Variants in NUTM2G observed in about 807,000 individuals in gnomAD.
The protein encoded by NUTM2G is NUT family member 2G, also known as family with sequence similarity 22, member G.
NUTM2G carries 29 observed loss-of-function variants against 44.3 expected under a neutral mutation model. That is an observed-to-expected ratio of 0.66 (90% CI 0.49 to 0.89). The LOEUF (loss-of-function observed/expected upper bound fraction) is 0.89, where lower values mean the gene tolerates loss of function less well. Among genes scored for constraint, NUTM2G ranks in the 40% least tolerant of loss-of-function variants. NUTM2G has a pLI of 0.00. For synonymous variants in NUTM2G, 205 were observed against 395.9 expected (o/e 0.52, Z 5.72); for missense variants, 502 against 946.5 (o/e 0.53, Z 6.16).
chr9:96,933,125 C>G (rs1018768894), intron 2 of NUTM2G, among the ~76,000 whole-genome samples: 1 of 151,118 alleles, frequency 6.6e-6, no homozygotes, highest in Admixed American at 6.6e-5. Flanking sequence ...CTACAGGTGC[C>G]CGCCACCATG....
chr9:96,937,219 G>C lies in NUTM2G; in HGVS notation c.1138G>C (p.Val380Leu). Residue 380 changes from valine to leucine, a missense_variant, in exon 5 of 7, where the codon GTG (valine) becomes CTG (leucine). Val to Leu is a conservative substitution (Grantham distance 32). Coordinates refer to ENST00000372322, the MANE Select transcript of NUTM2G (RefSeq NM_001170741.3). Reference protein sequence around the residue: ...KVPEEIPPEVVQEYVDIMEEL... With the variant: ...KVPEEIPPEVLQEYVDIMEEL... ...CCCTGAGGAGATCCCCCCTGAAGTG[G>C]TGCAGGAGTATGTGGACATCATGGA... The C allele has an allele frequency of 1.2e-6, 2 of 1,613,148 alleles. No homozygotes were observed. The highest frequency in any genetic ancestry group is 1.7e-6 in the Non-Finnish European group (2 of 1,179,884).
intron 2 of NUTM2G, 60 bp from the exon 3 acceptor site, chr9:96,935,268 C>T: frequency 1.2e-6 from 2 of 1,609,026 alleles, no homozygotes; most frequent in Non-Finnish European, 1.7e-6. Context: ...GTGTTGGGAC[C>T]AGGTGGGCCC....
rs769107127 is a variant in NUTM2G, at chr9:96,937,200, G to A, written c.1119G>A (p.Glu373=). The A allele has an allele frequency of 2.5e-6, 4 of 1,612,928 alleles. No homozygotes were observed. Among genetic ancestry groups the A allele is most frequent in the Non-Finnish European group, 3.4e-6 (4 of 1,179,880 alleles). Reference sequence around the variant, plus strand: ...GGCCAGCAGAGACCAAGGTCCCTGAGGAGATCCCCCCTGAAGTGGTGCAGG... The same window carrying A: ...GGCCAGCAGAGACCAAGGTCCCTGAAGAGATCCCCCCTGAAGTGGTGCAGG... ...PPRPAETKVP[E]EIPPEVVQEY... The change falls in exon 5 of 7, where the codon GAG becomes GAA. Residue 373 remains glutamate (E), a synonymous_variant. Transcript: ENST00000372322.
chr9:96,936,372 G>T lies in NUTM2G; in HGVS notation c.843-53G>T, dbSNP rs528049970. 2.5e-5 allele frequency: 38 copies of T among 1,545,002 alleles called. No individual in the cohort carries two copies. In the African/African-American group the frequency reaches 3.8e-4, roughly 15 times the overall value. ...TGCCCTCGGCTGCTGCCTGGTCCTGGGGGGAGGGGGCCTGGACCCTCTCAG... is the reference window on the plus strand; with the variant it reads ...TGCCCTCGGCTGCTGCCTGGTCCTGTGGGGAGGGGGCCTGGACCCTCTCAG... On this transcript the variant is annotated intron_variant, in intron 3 of 6. Transcript: ENST00000372322.
At chr9:96,940,721 C>G (rs1391377064), downstream of NUTM2G, among the ~76,000 whole-genome samples, 1 of 152,132 alleles carries the variant, frequency 6.6e-6, no homozygotes, top group Non-Finnish European at 1.5e-5. Context: ...GGGCAAAGCT[C>G]TCTGGTATAT....
chr9:96,935,389 C>T lies in NUTM2G; in HGVS notation c.775C>T (p.Arg259Trp), dbSNP rs374944512. Residue 259 changes from arginine to tryptophan, a missense_variant, in exon 3 of 7, where the codon CGG becomes TGG. Transcript: ENST00000372322. ...CATGACGCTGGAGGAGGGACTGTGG[C>T]GGGCCATGCGGGAATGGCAGCACAC... is the stretch of plus-strand genomic sequence containing the variant. ...PTMTLEEGLWRAMREWQHTSN... is the reference protein window; with the variant it reads ...PTMTLEEGLWWAMREWQHTSN... 26 of 1,611,910 alleles carry T rather than the reference C, an allele frequency of 1.6e-5. No homozygotes were observed. The highest frequency in any genetic ancestry group is 1.2e-4 in the African/African-American group (9 of 74,860).
chr9:96,933,273 C>G (rs137940534), intron 2 of NUTM2G, among the ~76,000 whole-genome samples: 3 of 151,846 alleles, frequency 2.0e-5, no homozygotes, highest in Non-Finnish European at 2.9e-5. Flanking sequence ...CCACCGTGCC[C>G]GGCTTTTACT....
chr9:96,939,965 A>G (rs867076693), downstream of NUTM2G: 21 of 47,474 alleles, frequency 4.4e-4, no homozygotes, highest in Middle Eastern at 5.1e-3. Context: ...CTGTGGCCAC[A>G]TGGAATGGCC....
downstream of NUTM2G, chr9:96,942,866 A>C (rs1826627637): frequency 6.6e-6 from 1 of 151,818 alleles, no homozygotes; most frequent in Non-Finnish European, 1.5e-5. Flanking sequence ...TGGTTACTCA[A>C]GGTAAATCCC....
At chr9:96,929,280 G>A (rs1005476385) in intron 1 of NUTM2G, among the ~76,000 whole-genome samples, 2 of 152,286 alleles carry the variant, frequency 1.3e-5, no homozygotes, top group African/African-American at 4.8e-5. Flanking sequence ...AAAGGATGGA[G>A]AGGATGGCTT....
downstream of NUTM2G, among the ~76,000 whole-genome samples, chr9:96,941,075 T>C (rs1826580169): frequency 6.7e-6 from 1 of 150,216 alleles, no homozygotes; most frequent in Non-Finnish European, 1.5e-5. Context: ...TTTAGGAATG[T>C]TAAGTGAGCC....
rs541551218 is a variant in NUTM2G, at chr9:96,930,806, C to T, written c.17-916C>T. 5.3e-5 allele frequency among the ~76,000 whole-genome samples: 7 copies of T among 132,590 alleles called. No individual in the cohort carries two copies. The East Asian group carries it at 1.3e-3, about 25-fold the overall frequency. The allele number at this position is 132,590 out of a possible 152,430, so 87.0% of individuals were successfully genotyped here. A position where few individuals can be genotyped will look rare whatever the true frequency, so the allele number is the denominator to read the frequency against. Reference sequence around the variant, plus strand: ...CCAGGACAATCACTTGCATGCTGGGCGTTATGTGTTATGGGTTATCTTCAG... The same window carrying T: ...CCAGGACAATCACTTGCATGCTGGGTGTTATGTGTTATGGGTTATCTTCAG... On this transcript the variant is annotated intron_variant, in intron 1 of 6. Transcript: ENST00000372322.
chr9:96,936,762 T>C (rs920365529), intron 4 of NUTM2G, among the ~76,000 whole-genome samples, 198 bp downstream of exon 4: 38 of 152,316 alleles, frequency 2.5e-4, no homozygotes, highest in Middle Eastern at 3.4e-3. Context: ...AGCAGGGTAT[T>C]GACCGGGCCA....
intron 2 of NUTM2G, chr9:96,933,675 G>C (rs1050274350): frequency 6.6e-6 from 1 of 152,464 alleles, no homozygotes; most frequent in South Asian, 2.1e-4. Context: ...CCCACCCTGG[G>C]TTTAGGTCTT....
downstream of NUTM2G, among the ~76,000 whole-genome samples, chr9:96,942,088 G>C (rs548167698): frequency 1.3e-5 from 2 of 152,048 alleles, no homozygotes; most frequent in East Asian, 1.9e-4. Context: ...TTTGCCTCCA[G>C]AAACCACTCC....
rs367955878 is a variant in NUTM2G at position 96,936,469 on chromosome 9, C to T, written c.887C>T (p.Ser296Leu). ...GAGGAGGAGATGCAGATTCAGAAAT[C>T]GCAGTGGATGAAGGGGCCCCAGAGC... The part of the protein sequence containing the change: ...EAEEEMQIQK[S>L]QWMKGPQSLP... The change falls in exon 4 of 7, where the codon TCG (serine) becomes TTG (leucine). Residue 296 changes from serine to leucine, a missense_variant. Coordinates refer to ENST00000372322, the MANE Select transcript of NUTM2G (RefSeq NM_001170741.3). 40 of 1,570,026 alleles carry T rather than the reference C, an allele frequency of 2.5e-5. No homozygotes were observed. The highest frequency in any genetic ancestry group is 1.4e-4 in the South Asian group (12 of 87,054).
Position 96,938,570 on chromosome 9 carries a change from A to T in NUTM2G, c.1647A>T (p.Arg549Ser). The T allele has an allele frequency of 6.2e-7, 1 of 1,613,680 alleles. No homozygotes were observed. Among genetic ancestry groups the T allele is most frequent in the East Asian group, 2.2e-5 (1 of 44,830 alleles). ...CCCAGGACCCTCAGGGACAGGGCAG[A>T]GTGCGCACTGGCATGGCCAGGTCCG... The part of the protein sequence containing the change: ...TAAQDPQGQG[R>S]VRTGMARSED... The change falls in exon 7 of 7, where the codon AGA (arginine) becomes AGT (serine). Residue 549 changes from arginine to serine, a missense_variant. Coordinates refer to ENST00000372322, the MANE Select transcript of NUTM2G (RefSeq NM_001170741.3).
rs200282980 is a variant in NUTM2G, at chr9:96,937,982, A to G, written c.1421A>G (p.Glu474Gly). ...LALSQELEQE[E>G]GLTLAQLVEK... ...CTAAGCCAGGAGCTGGAGCAGGAGG[A>G]AGGACTCACCCTTGCCCAGGTAGAG... The change falls in exon 6 of 7, where the codon GAA (glutamate) becomes GGA (glycine). Residue 474 changes from glutamate (E) to glycine (G), a missense_variant. Coordinates refer to ENST00000372322, the MANE Select transcript of NUTM2G (RefSeq NM_001170741.3). The G allele has an allele frequency of 1.1e-5, 17 of 1,612,078 alleles. No homozygotes were observed. Among genetic ancestry groups the G allele is most frequent in the Non-Finnish European group, 2.5e-6 (3 of 1,179,830 alleles).
intron 1 of NUTM2G, among the ~76,000 whole-genome samples, 187 bp from the exon 2 acceptor site, chr9:96,931,535 G>A (rs1305703858): frequency 1.3e-5 from 2 of 151,368 alleles, no homozygotes; most frequent in Non-Finnish European, 2.9e-5. Flanking sequence ...GGTGACTGGC[G>A]CCAGGCTCTC....
Sources: allele counts gnomAD v4.1 joint callset (sites outside exome capture counted in the v4.1 genomes callset), GRCh38; gene constraint gnomAD v4.1.1; transcripts MANE v1.5; gene names NCBI Gene and HGNC (gene_info 2026-07-23, HGNC 2026-07-21).